Variants in LRRC4C observed in about 807,000 individuals in gnomAD.
LRRC4C encodes the protein leucine-rich repeat-containing protein 4C.
In LRRC4C, 5 loss-of-function variants were observed where a neutral mutation model predicts 33.6. That is an observed-to-expected ratio of 0.15 (90% CI 0.08 to 0.31). LRRC4C has a LOEUF of 0.31. Ranked by LOEUF, LRRC4C falls within the 10% of genes least tolerant of loss-of-function variation. The probability of loss-of-function intolerance (pLI) is 1.00; values close to 1 mark genes in which losing one functional copy is unlikely to be tolerated. For synonymous variants in LRRC4C, 329 were observed against 302.0 expected (o/e 1.09, Z -0.93); for missense variants, 560 against 796.7 (o/e 0.70, Z 3.58).
At chr11:40,346,893 G>C (rs921718617) in intron 3 of LRRC4C, among the ~76,000 whole-genome samples, 1 of 152,232 alleles carries the variant, frequency 6.6e-6, no homozygotes, top group Admixed American at 6.5e-5. Flanking sequence ...TGTCATCCAG[G>C]CTTTGTCATT....
At chr11:40,422,658 T>G (rs1158081152) in intron 3 of LRRC4C, among the ~76,000 whole-genome samples, 1 of 151,704 alleles carries the variant, frequency 6.6e-6, no homozygotes, top group South Asian at 2.1e-4. Context: ...TTTCTCTTAC[T>G]TTAAAGGTAC....
intron 3 of LRRC4C, among the ~76,000 whole-genome samples, chr11:40,587,026 C>A (rs181667201): frequency 0.017 from 2,521 of 151,790 alleles, 88 homozygotes; most frequent in African/African-American, 0.057. Flanking sequence ...TCATTGGTAG[C>A]TTGATGGGGA....
intron 4 of LRRC4C, among the ~76,000 whole-genome samples, chr11:40,272,835 CTT>C (rs879417910): frequency 1.4e-5 from 2 of 143,242 alleles, no homozygotes; most frequent in Admixed American, 7.1e-5. Context: ...ATGATTCATT[CTT>C]TTTTTTTTTG....
chr11:40,131,959 G>T (rs992308791), intron 6 of LRRC4C, among the ~76,000 whole-genome samples: 1 of 152,060 alleles, frequency 6.6e-6, no homozygotes, highest in African/African-American at 2.4e-5. Context: ...GGGTTCCTAA[G>T]AAGTTTATTA....
rs558025718 is a variant in LRRC4C, at chr11:41,119,652, A to G, written c.-495-185929T>C. 9.2e-5 allele frequency among the ~76,000 whole-genome samples: 14 copies of G among 152,308 alleles called. No individual in the cohort carries two copies. The South Asian group carries it at 1.2e-3, about 14-fold the overall frequency. ...AGGGACCTTGCCAATGAAAGTTAGA[A>G]GAGTAATGAACTAAAACCTTATGTT... On this transcript the variant is annotated intron_variant, in intron 1 of 6. Coordinates refer to ENST00000528697, the MANE Select transcript of LRRC4C (RefSeq NM_001258419.2).
At chr11:40,308,831 T>G (rs750427074) in intron 4 of LRRC4C, among the ~76,000 whole-genome samples, 1 of 152,184 alleles carries the variant, frequency 6.6e-6, no homozygotes, top group East Asian at 1.9e-4. Flanking sequence ...ATGTTTCAGC[T>G]TATTAGGTAT....
intron 1 of LRRC4C, among the ~76,000 whole-genome samples, chr11:41,063,622 A>C (rs1279520867): frequency 1.3e-5 from 2 of 152,218 alleles, no homozygotes; most frequent in Non-Finnish European, 2.9e-5. Context: ...TGAAGAGAGC[A>C]TAACATTGAT....
intron 3 of LRRC4C, among the ~76,000 whole-genome samples, chr11:40,456,920 GGA>G (rs1491374217): frequency 2.7e-5 from 4 of 149,306 alleles, no homozygotes; most frequent in East Asian, 2.0e-4. Context: ...GAAAGGAAGG[GGA>G]AAAAAAAGAA....
intron 1 of LRRC4C, among the ~76,000 whole-genome samples, chr11:41,201,959 G>A (rs894619667): frequency 6.6e-6 from 1 of 151,514 alleles, no homozygotes; most frequent in African/African-American, 2.4e-5. Context: ...TCCAGCAAAT[G>A]CAGTGTAGTT....
intron 1 of LRRC4C, among the ~76,000 whole-genome samples, chr11:41,372,304 T>G (rs1402294910): frequency 6.6e-6 from 1 of 152,196 alleles, no homozygotes; most frequent in African/African-American, 2.4e-5. Flanking sequence ...CAATATTTAT[T>G]TAGCTCCTTC....
At chr11:41,134,422 A>G (rs1310034617) in intron 1 of LRRC4C, among the ~76,000 whole-genome samples, 2 of 152,188 alleles carry the variant, frequency 1.3e-5, no homozygotes, top group Admixed American at 1.3e-4. Context: ...TATGCCTGGC[A>G]GAATAAACTT....
At chr11:41,255,659 C>G (rs549039963) in intron 1 of LRRC4C, among the ~76,000 whole-genome samples, 8 of 152,048 alleles carry the variant, frequency 5.3e-5, no homozygotes, top group African/African-American at 9.6e-5. Context: ...ATTATTCCCC[C>G]CTCTGACATC....
intron 5 of LRRC4C, among the ~76,000 whole-genome samples, chr11:40,179,082 G>T (rs1860758629): frequency 6.6e-6 from 1 of 150,660 alleles, no homozygotes; most frequent in African/African-American, 2.4e-5. Flanking sequence ...TCGGTTCACT[G>T]CAACCTTGAG....
chr11:41,194,405 ATAT>A (rs1484355479), intron 1 of LRRC4C, among the ~76,000 whole-genome samples: 5 of 152,132 alleles, frequency 3.3e-5, no homozygotes, highest in African/African-American at 1.2e-4. Context: ...TCATGTCTTT[ATAT>A]AATCCCCTCA....
intron 1 of LRRC4C, among the ~76,000 whole-genome samples, chr11:41,302,057 C>A (rs1322773972): frequency 6.6e-6 from 1 of 152,098 alleles, no homozygotes; most frequent in Non-Finnish European, 1.5e-5. Context: ...ATGTAATATA[C>A]AATTCACCAT....
chr11:40,297,673 C>T (rs1216805338), intron 4 of LRRC4C, among the ~76,000 whole-genome samples: 2 of 151,580 alleles, frequency 1.3e-5, no homozygotes, highest in Non-Finnish European at 2.9e-5. Flanking sequence ...ATTTTTTGTT[C>T]TCTCATACTT....
At chr11:41,437,186 A>C (rs1171616836) in intron 1 of LRRC4C, among the ~76,000 whole-genome samples, 1 of 152,148 alleles carries the variant, frequency 6.6e-6, no homozygotes, top group African/African-American at 2.4e-5. Flanking sequence ...TCCCCACCCT[A>C]CTTCAGCTTC....
intron 2 of LRRC4C, among the ~76,000 whole-genome samples, chr11:40,854,398 T>G (rs1431672144): frequency 6.6e-6 from 1 of 151,992 alleles, no homozygotes; most frequent in Non-Finnish European, 1.5e-5. Context: ...TGTTTCCAAG[T>G]GGAAACTGCT....
chr11:40,478,001 G>A (rs180765556), intron 3 of LRRC4C, among the ~76,000 whole-genome samples: 210 of 152,286 alleles, frequency 1.4e-3, no homozygotes, highest in African/African-American at 4.9e-3. Flanking sequence ...CCCTGCACAA[G>A]CTCTGTTTCT....
Sources: gnomAD v4.1 joint callset for allele counts (sites outside exome capture counted in the v4.1 genomes callset) on GRCh38, gnomAD v4.1.1 for gene constraint, MANE v1.5 for transcripts, NCBI Gene and HGNC (gene_info 2026-07-23, HGNC 2026-07-21) for gene names.